Variants in MICU3 observed in about 807,000 individuals in gnomAD.
MICU3 encodes calcium uptake protein 3, mitochondrial.
Under a neutral mutation model 66.5 loss-of-function variants are expected in MICU3, and 62 were observed. The ratio of observed to expected loss-of-function variants is 0.93; its 90% CI spans 0.76 to 1.15. MICU3 has a LOEUF of 1.15. MICU3 is among the 50% of genes most tolerant of loss of function. MICU3 has a pLI of 0.00. For synonymous variants in MICU3, 308 were observed against 240.7 expected (o/e 1.28, Z -2.59); for missense variants, 779 against 664.4 (o/e 1.17, Z -1.90).
chr8:17,113,722 G>GT lies in MICU3; in HGVS notation c.1258-363dup, dbSNP rs564635377. Among the ~76,000 whole-genome samples the GT allele has an allele frequency of 9.9e-5, 15 of 151,164 alleles. No individual in the cohort carries two copies. The South Asian group carries it at 1.0e-3, about 11-fold the overall frequency. Reference sequence around the variant, plus strand: ...AAACTTTTTTATGGCTTTTTTTTCTGTTTTTTTTCTTTATTATCATATTTA... The same window carrying GT: ...AAACTTTTTTATGGCTTTTTTTTCTGTTTTTTTTTCTTTATTATCATATTTA... On this transcript the variant is annotated intron_variant, in intron 11 of 14. Coordinates refer to ENST00000318063, the MANE Select transcript of MICU3 (RefSeq NM_181723.3).
At position 17,109,174 on chromosome 8, in the gene MICU3, AATC is replaced by A. The variant is rs1186686366; in HGVS notation, c.1257+3593_1257+3595del. ...TAATCTGTTTTTATTTCCATAGCAT[AATC>A]ATATTCTAACATACTGTATAATTTG... is the stretch of plus-strand genomic sequence containing the variant. On this transcript the variant is annotated intron_variant, in intron 11 of 14. Coordinates refer to ENST00000318063, the MANE Select transcript of MICU3 (RefSeq NM_181723.3). 2.8e-4 allele frequency among the ~76,000 whole-genome samples: 43 copies of A among 152,256 alleles called. 1 individual carries two copies. Among genetic ancestry groups the A allele is most frequent in the African/African-American group, 1.0e-3 (43 of 41,552 alleles).
chr8:17,088,112 A>AG (rs1799662679), intron 7 of MICU3, among the ~76,000 whole-genome samples: 1 of 151,978 alleles, frequency 6.6e-6, no homozygotes, highest in African/African-American at 2.4e-5. Context: ...GTGTACGTTT[A>AG]TATTTAGTTG....
the MICU3 span, chr8:17,132,254 TA>T: frequency 6.6e-6 from 1 of 152,096 alleles, no homozygotes; most frequent in African/African-American, 2.4e-5. Context: ...AAAAAGGAAA[TA>T]TTCAAAATGA....
chr8:17,043,741 T>C (rs1814607508), intron 1 of MICU3, among the ~76,000 whole-genome samples: 2 of 152,378 alleles, frequency 1.3e-5, no homozygotes, highest in South Asian at 4.1e-4. Context: ...ATTCTCTCTG[T>C]CTGCCTGCTT....
At chr8:17,069,479 C>T (rs1325941444) in intron 2 of MICU3, among the ~76,000 whole-genome samples, 1 of 151,984 alleles carries the variant, frequency 6.6e-6, no homozygotes, top group Admixed American at 6.6e-5. Context: ...ATCACTGATA[C>T]TTACTATGAA....
chr8:17,137,983 GGGATTA>G, the MICU3 span, among the ~76,000 whole-genome samples: 1 of 151,858 alleles, frequency 6.6e-6, no homozygotes, highest in Non-Finnish European at 1.5e-5. Flanking sequence ...CCAAAGTGCT[GGGATTA>G]CAGGCATGAA....
intron 1 of MICU3, among the ~76,000 whole-genome samples, chr8:17,041,551 C>G (rs771192050): frequency 1.3e-5 from 2 of 150,298 alleles, no homozygotes; most frequent in Non-Finnish European, 3.0e-5. Flanking sequence ...GAATTTGTCT[C>G]TGAAGAAGAG....
chr8:17,109,247 A>G (rs898072379), intron 11 of MICU3, among the ~76,000 whole-genome samples: 2 of 152,096 alleles, frequency 1.3e-5, no homozygotes, highest in Non-Finnish European at 2.9e-5. Flanking sequence ...ATGCAAATAT[A>G]TATATTATGT....
At chr8:17,043,661 T>C (rs1814592457) in intron 1 of MICU3, among the ~76,000 whole-genome samples, 1 of 152,224 alleles carries the variant, frequency 6.6e-6, no homozygotes, top group East Asian at 1.9e-4. Flanking sequence ...TATGTTCTTA[T>C]AGTAAAGAAT....
At chr8:17,100,811 A>G (rs924294920) in intron 9 of MICU3, among the ~76,000 whole-genome samples, 1 of 151,784 alleles carries the variant, frequency 6.6e-6, no homozygotes, top group African/African-American at 2.4e-5. Flanking sequence ...AACCAAAATC[A>G]TATATAATAA....
At chr8:17,107,200 G>A (rs1011369624) in intron 11 of MICU3, among the ~76,000 whole-genome samples, 2 of 152,140 alleles carry the variant, frequency 1.3e-5, no homozygotes, top group Non-Finnish European at 2.9e-5. Flanking sequence ...ACTGATAAAT[G>A]TTATGAAAGG....
chr8:17,123,064 A>G (rs1185577984), downstream of MICU3, among the ~76,000 whole-genome samples: 1 of 152,084 alleles, frequency 6.6e-6, no homozygotes, highest in Non-Finnish European at 1.5e-5. Context: ...TCCAAAAGAT[A>G]TAAAAATATG....
At chr8:17,057,414 C>G (rs867503978) in intron 1 of MICU3, among the ~76,000 whole-genome samples, 2 of 152,214 alleles carry the variant, frequency 1.3e-5, no homozygotes, top group Middle Eastern at 3.4e-3. Context: ...TACCTCCAAC[C>G]TGGAACAGGA....
chr8:17,104,403 A>T lies in MICU3; in HGVS notation c.997A>T (p.Ile333Phe), dbSNP rs146521840. The T allele has an allele frequency of 2.8e-6, 4 of 1,412,942 alleles. No homozygotes were observed. The highest frequency in any genetic ancestry group is 3.8e-6 in the Non-Finnish European group (4 of 1,063,998). The allele number at this position is 1,412,942 out of a possible 1,614,324, so 87.5% of individuals were successfully genotyped here. A position where few individuals can be genotyped will look rare whatever the true frequency, so the allele number is the denominator to read the frequency against. Residue 333 changes from isoleucine (I) to phenylalanine (F), a missense_variant, in exon 10 of 15, where the codon ATC becomes TTC. Transcript: ENST00000318063. ...FSDLAERADD[I>F]TSLVTDTTLL... ...ATTTTTTTTTAAGCGTGCTGATGAC[A>T]TCACAAGTTTAGTAACAGATACTAC...
intron 2 of MICU3, among the ~76,000 whole-genome samples, chr8:17,066,970 T>C (rs1428248034): frequency 1.3e-5 from 2 of 152,214 alleles, no homozygotes; most frequent in Non-Finnish European, 2.9e-5. Context: ...GTGATTCTTC[T>C]CATAGATATT....
intron 1 of MICU3, among the ~76,000 whole-genome samples, chr8:17,060,570 C>G (rs1817669849): frequency 6.6e-6 from 1 of 152,154 alleles, no homozygotes; most frequent in African/African-American, 2.4e-5. Context: ...CCTCGGCCTC[C>G]CATAGTGCTG....
chr8:17,110,933 G>A (rs1165583713), intron 11 of MICU3, among the ~76,000 whole-genome samples: 1 of 152,046 alleles, frequency 6.6e-6, no homozygotes, highest in Non-Finnish European at 1.5e-5. Context: ...TTCATTCTTT[G>A]CTATGGCTGA....
At chr8:17,069,148 G>A (rs535407542) in intron 2 of MICU3, among the ~76,000 whole-genome samples, 1 of 152,142 alleles carries the variant, frequency 6.6e-6, no homozygotes, top group African/African-American at 2.4e-5. Context: ...GAAGAGTAAT[G>A]AAACAGGACA....
intron 3 of MICU3, among the ~76,000 whole-genome samples, chr8:17,076,739 AT>A (rs1178709378): frequency 6.6e-6 from 1 of 152,228 alleles, no homozygotes; most frequent in Non-Finnish European, 1.5e-5. Flanking sequence ...GTGTGTAAAA[AT>A]TAGAAGATGT....
Sources: gnomAD v4.1 joint callset for allele counts (sites outside exome capture counted in the v4.1 genomes callset) on GRCh38, gnomAD v4.1.1 for gene constraint, MANE v1.5 for transcripts, NCBI Gene and HGNC (gene_info 2026-07-23, HGNC 2026-07-21) for gene names.